The following PPP1R9A variants were observed in gnomAD, a reference collection of about 807,000 sequenced individuals.
The protein encoded by PPP1R9A is neurabin-1.
PPP1R9A carries 59 observed loss-of-function variants against 141.9 expected under a neutral mutation model. The observed-to-expected ratio is 0.42, with a 90% CI of 0.34 to 0.52. PPP1R9A has a LOEUF of 0.52. Among genes scored for constraint, PPP1R9A ranks in the 20% least tolerant of loss-of-function variants. PPP1R9A has a pLI of 0.10. For missense variants in PPP1R9A, 1,444 were observed against 1,611.9 expected (o/e 0.90, Z 1.78); for synonymous variants, 500 against 569.7 (o/e 0.88, Z 1.74).
intron 7 of PPP1R9A, among the ~76,000 whole-genome samples, chr7:95,219,599 G>C (rs1371142145): frequency 6.6e-6 from 1 of 151,918 alleles, no homozygotes; most frequent in Non-Finnish European, 1.5e-5. Context: ...GTCACTTTCA[G>C]ATAAAATCAG....
At chr7:95,105,857 G>T (rs1431304833) in intron 2 of PPP1R9A, among the ~76,000 whole-genome samples, 1 of 152,188 alleles carries the variant, frequency 6.6e-6, no homozygotes, top group East Asian at 1.9e-4. Flanking sequence ...CTAGACATAG[G>T]TGGGGATTTT....
At chr7:94,984,824 C>G (rs1234699927) in intron 2 of PPP1R9A, among the ~76,000 whole-genome samples, 2 of 151,992 alleles carry the variant, frequency 1.3e-5, no homozygotes, top group African/African-American at 4.8e-5. Context: ...TTTTGTGTCT[C>G]TATCTCCTTC....
chr7:95,050,872 G>A (rs868231581), intron 2 of PPP1R9A, among the ~76,000 whole-genome samples: 1 of 152,116 alleles, frequency 6.6e-6, no homozygotes, highest in Admixed American at 6.6e-5. Flanking sequence ...TTATAATATT[G>A]CATCATTAAA....
chr7:94,941,686 GTT>G (rs779499793), intron 2 of PPP1R9A, among the ~76,000 whole-genome samples: 4 of 151,874 alleles, frequency 2.6e-5, no homozygotes, highest in Admixed American at 2.0e-4. Context: ...ATAAATAAGT[GTT>G]TGTGGGCTGG....
intron 16 of PPP1R9A, among the ~76,000 whole-genome samples, chr7:95,280,465 A>G (rs1657865403): frequency 6.6e-6 from 1 of 152,206 alleles, no homozygotes; most frequent in African/African-American, 2.4e-5. Context: ...TTGGGATGCC[A>G]GCCCCAGGAT....
At chr7:95,210,184 A>G (rs1045890345) in intron 7 of PPP1R9A, among the ~76,000 whole-genome samples, 2 of 152,178 alleles carry the variant, frequency 1.3e-5, no homozygotes, top group South Asian at 2.1e-4. Flanking sequence ...ATGGAATTGA[A>G]TTAAGAATAT....
Position 95,292,322 on chromosome 7 carries a change from G to A in PPP1R9A, c.*2019G>A, listed in dbSNP as rs757591473. ...AAAACACTAAATTAGTAAAAATCTG[G>A]TAATATTAGTGCTTGCTATTGTAAA... is the stretch of plus-strand genomic sequence containing the variant. On this transcript the variant is annotated 3_prime_UTR_variant, in exon 20 of 20. Coordinates refer to ENST00000433360, the MANE Select transcript of PPP1R9A (RefSeq NM_001166160.2). 2.6e-5 allele frequency: 4 copies of A among 152,518 alleles called. No homozygotes were observed. Among genetic ancestry groups the A allele is most frequent in the Non-Finnish European group, 4.4e-5 (3 of 68,008 alleles). 9.4% of individuals were successfully genotyped at this position (152,518 alleles called of 1,614,324 possible). A position where few individuals can be genotyped will look rare whatever the true frequency, so the allele number is the denominator to read the frequency against.
chr7:95,259,215 A>G (rs1800059181), intron 12 of PPP1R9A, among the ~76,000 whole-genome samples: 1 of 152,116 alleles, frequency 6.6e-6, no homozygotes, highest in Admixed American at 6.6e-5. Context: ...GGTTACAACT[A>G]GAAATAGAGA....
intron 2 of PPP1R9A, among the ~76,000 whole-genome samples, chr7:95,063,462 A>G (rs61225893): frequency 0.47 from 71,500 of 151,898 alleles, 17,465 homozygotes; most frequent in African/African-American, 0.53. Flanking sequence ...CTACTTGGGA[A>G]TTTGAGACAA....
At chr7:95,266,310 T>C (rs1214404238) in intron 12 of PPP1R9A, among the ~76,000 whole-genome samples, 1 of 148,114 alleles carries the variant, frequency 6.8e-6, no homozygotes, top group East Asian at 2.0e-4. Context: ...ATTTATTCTA[T>C]ACTTTTCAAC....
intron 3 of PPP1R9A, among the ~76,000 whole-genome samples, chr7:95,115,373 A>G (rs529068316): frequency 6.6e-6 from 1 of 152,020 alleles, no homozygotes; most frequent in Non-Finnish European, 1.5e-5. Context: ...AACTAGAATG[A>G]TAACTACAGA....
intron 2 of PPP1R9A, among the ~76,000 whole-genome samples, chr7:95,070,826 G>A (rs1243536720): frequency 6.6e-6 from 1 of 151,618 alleles, no homozygotes; most frequent in Non-Finnish European, 1.5e-5. Flanking sequence ...GTTCTTTCAA[G>A]AGTATTATGA....
chr7:95,040,285 AC>A (rs1181204870), intron 2 of PPP1R9A, among the ~76,000 whole-genome samples: 2 of 150,600 alleles, frequency 1.3e-5, no homozygotes, highest in Non-Finnish European at 3.0e-5. Flanking sequence ...TAAAAATATA[AC>A]ACAGATTTTA....
Position 95,000,916 on chromosome 7 carries a change from T to C in PPP1R9A, c.1395+89408T>C, listed in dbSNP as rs560618256. ...TTAAAGAGAATGAAAAGGAAATCACTGTATTTAGTGGGAAAATGTCATTTC... is the reference window on the plus strand; with the variant it reads ...TTAAAGAGAATGAAAAGGAAATCACCGTATTTAGTGGGAAAATGTCATTTC... On this transcript the variant is annotated intron_variant, in intron 2 of 19. Transcript: ENST00000433360. Among the ~76,000 whole-genome samples the C allele has an allele frequency of 2.0e-4, 30 of 152,324 alleles. No individual in the cohort carries two copies. The East Asian group carries it at 5.8e-3, about 29-fold the overall frequency.
chr7:94,988,009 T>TA (rs966331676), intron 2 of PPP1R9A, among the ~76,000 whole-genome samples: 11 of 152,064 alleles, frequency 7.2e-5, no homozygotes, highest in Non-Finnish European at 1.2e-4. Flanking sequence ...TTTATTTGAT[T>TA]AAAAAAATAG....
chr7:95,276,758 G>A (rs1031018352), intron 16 of PPP1R9A, among the ~76,000 whole-genome samples: 6 of 152,060 alleles, frequency 3.9e-5, no homozygotes, highest in Non-Finnish European at 7.4e-5. Flanking sequence ...CATATAATTG[G>A]AATAGAAGAA....
At chr7:94,980,251 C>T (rs1490946345) in intron 2 of PPP1R9A, among the ~76,000 whole-genome samples, 2 of 151,696 alleles carry the variant, frequency 1.3e-5, no homozygotes, top group African/African-American at 4.8e-5. Flanking sequence ...TTGTGTTGGG[C>T]CGCTTTCAAA....
At chr7:95,004,009 C>A (rs1803283599) in intron 2 of PPP1R9A, among the ~76,000 whole-genome samples, 1 of 152,012 alleles carries the variant, frequency 6.6e-6, no homozygotes, top group African/African-American at 2.4e-5. Context: ...GTGTGCAGTA[C>A]TGGAAGTAAA....
At chr7:95,068,474 A>G (rs367839069) in intron 2 of PPP1R9A, among the ~76,000 whole-genome samples, 128 of 5,864 alleles carry the variant, frequency 0.022, no homozygotes, top group Admixed American at 0.034. Context: ...TTGTCTCAAG[A>G]AAAAAAAAAA....
Sources: allele counts gnomAD v4.1 joint callset (sites outside exome capture counted in the v4.1 genomes callset), GRCh38; gene constraint gnomAD v4.1.1; transcripts MANE v1.5; gene names NCBI Gene and HGNC (gene_info 2026-07-23, HGNC 2026-07-21).